Variants in MAGI1 observed in about 807,000 individuals in gnomAD.
MAGI1 encodes membrane-associated guanylate kinase, WW and PDZ domain-containing protein 1.
In MAGI1, 58 loss-of-function variants were observed where a neutral mutation model predicts 139.9. That is an observed-to-expected ratio of 0.41 (90% CI 0.34 to 0.52). The LOEUF (loss-of-function observed/expected upper bound fraction) is 0.52. Among genes scored for constraint, MAGI1 ranks in the 20% least tolerant of loss-of-function variants. MAGI1 has a pLI of 0.12. For synonymous variants in MAGI1, 812 were observed against 737.9 expected (o/e 1.10, Z -1.63); for missense variants, 1,874 against 1,901.6 (o/e 0.99, Z 0.27).
intron 2 of MAGI1, among the ~76,000 whole-genome samples, chr3:65,551,587 A>G (rs1244553321): frequency 6.6e-6 from 1 of 152,220 alleles, no homozygotes; most frequent in Admixed American, 6.5e-5. Flanking sequence ...GGCGTGAGCC[A>G]CCACGCCCGG....
At chr3:65,362,118 C>T (rs116031363) in intron 21 of MAGI1, among the ~76,000 whole-genome samples, 274 of 152,298 alleles carry the variant, frequency 1.8e-3, no homozygotes, top group Non-Finnish European at 3.1e-3. Context: ...TGAATCCTAT[C>T]ATTTGGTAAC....
chr3:65,698,584 T>C (rs2089375156), intron 1 of MAGI1, among the ~76,000 whole-genome samples: 1 of 152,254 alleles, frequency 6.6e-6, no homozygotes, highest in South Asian at 2.1e-4. Flanking sequence ...TATCTACAAC[T>C]ATCTGATCTT....
intron 1 of MAGI1, among the ~76,000 whole-genome samples, chr3:65,781,591 T>C (rs1223415434): frequency 6.6e-6 from 1 of 152,242 alleles, no homozygotes. Flanking sequence ...ATACAAATTA[T>C]ATAGCAACTG....
At position 65,744,825 on chromosome 3, in the gene MAGI1, C is replaced by T. The variant is rs545639444; in HGVS notation, c.314-122737G>A. On this transcript the variant is annotated intron_variant, in intron 1 of 22. Transcript: ENST00000402939. ...TTAACATATATAAAACGAAATTTGC[C>T]ATCTTAACCATTCTTAAGTATGTAA... 1.6e-4 allele frequency among the ~76,000 whole-genome samples: 25 copies of T among 152,116 alleles called. No homozygotes were observed. The East Asian group carries it at 4.8e-3, about 29-fold the overall frequency.
At chr3:65,701,021 T>C (rs2089566879) in intron 1 of MAGI1, among the ~76,000 whole-genome samples, 1 of 152,166 alleles carries the variant, frequency 6.6e-6, no homozygotes, top group Non-Finnish European at 1.5e-5. Context: ...AGGGGGCTCA[T>C]TACCAACTTG....
chr3:65,492,741 T>C lies in MAGI1; in HGVS notation c.550+771A>G, dbSNP rs139211766. ...GAAGGTAATCAGATTATTTATAATA[T>C]TGAATCCTAAATCAGGCAGGTGGGA... On this transcript the variant is annotated intron_variant, in intron 3 of 22. Coordinates refer to ENST00000402939, the MANE Select transcript of MAGI1 (RefSeq NM_001033057.2). Among the ~76,000 whole-genome samples the C allele has an allele frequency of 3.5e-3, 540 of 152,252 alleles. 1 individual carries two copies. The highest frequency in any genetic ancestry group is 6.0e-3 in the Non-Finnish European group (409 of 68,002).
At chr3:65,754,403 A>G (rs1050859104) in intron 1 of MAGI1, among the ~76,000 whole-genome samples, 1 of 152,216 alleles carries the variant, frequency 6.6e-6, no homozygotes, top group Non-Finnish European at 1.5e-5. Context: ...AGGAAAATTC[A>G]TTCCTGTGCT....
chr3:66,026,822 A>G (rs2068290622), intron 1 of MAGI1, among the ~76,000 whole-genome samples: 1 of 140,566 alleles, frequency 7.1e-6, no homozygotes, highest in Admixed American at 7.7e-5. Context: ...TTTTTTATTT[A>G]TCGGACTATC....
At chr3:65,750,697 A>G (rs905665726) in intron 1 of MAGI1, among the ~76,000 whole-genome samples, 4 of 152,192 alleles carry the variant, frequency 2.6e-5, no homozygotes, top group African/African-American at 9.7e-5. Context: ...TCCCAAATCT[A>G]TAACATTAGA....
intron 1 of MAGI1, among the ~76,000 whole-genome samples, chr3:65,764,238 G>T (rs978000668): frequency 6.0e-5 from 9 of 149,846 alleles, no homozygotes; most frequent in Non-Finnish European, 3.0e-5. Flanking sequence ...CCATAAAAAA[G>T]AATGTAGACG....
intron 1 of MAGI1, chr3:65,717,532 T>G (rs1253489885): frequency 6.6e-6 from 1 of 152,222 alleles, no homozygotes; most frequent in Non-Finnish European, 1.5e-5. Context: ...TAGCCTGTGA[T>G]GAAAGATGAC....
intron 1 of MAGI1, among the ~76,000 whole-genome samples, chr3:65,766,907 C>T (rs762526694): frequency 2.3e-4 from 35 of 152,042 alleles, no homozygotes; most frequent in Non-Finnish European, 4.7e-4. Context: ...ATAATAACAA[C>T]AGAATAAGAG....
At chr3:65,783,379 G>A (rs1200487867) in intron 1 of MAGI1, among the ~76,000 whole-genome samples, 1 of 152,080 alleles carries the variant, frequency 6.6e-6, no homozygotes. Context: ...CAAGGCACAG[G>A]GGCTCACGCC....
rs538196320 is a variant in MAGI1 at position 65,924,407 on chromosome 3, T to C, written c.313+113589A>G. Among the ~76,000 whole-genome samples the C allele has an allele frequency of 3.3e-5, 5 of 152,342 alleles. No individual in the cohort carries two copies. In the South Asian group the frequency reaches 1.0e-3, roughly 32 times the overall value. Reference sequence around the variant, plus strand: ...AATTAGAAAATTAAGCCTGTCACTTTAAGATACATGAGTCCCATTTCAAGA... The same window carrying C: ...AATTAGAAAATTAAGCCTGTCACTTCAAGATACATGAGTCCCATTTCAAGA... On this transcript the variant is annotated intron_variant, in intron 1 of 22. Transcript: ENST00000402939.
intron 14 of MAGI1, among the ~76,000 whole-genome samples, chr3:65,388,351 G>A (rs541518076): frequency 4.5e-4 from 68 of 152,154 alleles, no homozygotes; most frequent in African/African-American, 1.5e-3. Flanking sequence ...GGGTAATATG[G>A]CACAGTTAAG....
chr3:66,032,401 T>TTC (rs71105968), intron 1 of MAGI1, among the ~76,000 whole-genome samples: 9 of 148,462 alleles, frequency 6.1e-5, no homozygotes, highest in African/African-American at 2.2e-4. Context: ...TTTTTTTTTT[T>TTC]AGTAGAGACA....
At chr3:65,543,763 G>C (rs112347955) in intron 2 of MAGI1, among the ~76,000 whole-genome samples, 176 of 151,930 alleles carry the variant, frequency 1.2e-3, no homozygotes, top group Non-Finnish European at 2.0e-3. Flanking sequence ...GATGGGGGGG[G>C]GTACAAGAGG....
chr3:65,627,109 TA>T (rs1261700405), intron 1 of MAGI1, among the ~76,000 whole-genome samples: 2 of 152,236 alleles, frequency 1.3e-5, no homozygotes, highest in African/African-American at 4.8e-5. Context: ...ATTTTTTCTG[TA>T]CCTTCTCTAT....
intron 1 of MAGI1, among the ~76,000 whole-genome samples, chr3:65,864,979 T>C (rs1575757024): frequency 6.6e-6 from 1 of 152,086 alleles, no homozygotes; most frequent in African/African-American, 2.4e-5. Flanking sequence ...ACACCTGTAA[T>C]TATGCCATCC....
Sources: gnomAD v4.1 joint callset for allele counts (sites outside exome capture counted in the v4.1 genomes callset) on GRCh38, gnomAD v4.1.1 for gene constraint, MANE v1.5 for transcripts, NCBI Gene and HGNC (gene_info 2026-07-23, HGNC 2026-07-21) for gene names.